CAMTA1: variants seen among roughly 807,000 people sequenced by gnomAD.
CAMTA1 encodes calmodulin-binding transcription activator 1.
A neutral mutation model predicts 170.9 loss-of-function variants in CAMTA1; 27 were observed. That is an observed-to-expected ratio of 0.16 (90% CI 0.12 to 0.22). The LOEUF is 0.22. Ranked by LOEUF, CAMTA1 falls within the 10% of genes least tolerant of loss-of-function variation. CAMTA1 has a pLI of 1.00. For missense variants in CAMTA1, 1,619 were observed against 2,217.2 expected (o/e 0.73, Z 5.42); for synonymous variants, 833 against 891.5 (o/e 0.93, Z 1.17).
intron 3 of CAMTA1, among the ~76,000 whole-genome samples, chr1:6,999,181 A>T: frequency 6.6e-6 from 1 of 152,152 alleles, no homozygotes; most frequent in East Asian, 1.9e-4. Context: ...CTTATTTTGA[A>T]TTCTTGTTCT....
chr1:7,493,110 A>C (rs1174891702), intron 6 of CAMTA1, among the ~76,000 whole-genome samples: 1 of 129,100 alleles, frequency 7.7e-6, no homozygotes, highest in African/African-American at 3.2e-5. Flanking sequence ...AAACCTACAT[A>C]CACACACGCG....
intron 3 of CAMTA1, among the ~76,000 whole-genome samples, chr1:6,833,481 G>T (rs1471589202): frequency 1.3e-5 from 2 of 152,192 alleles, no homozygotes; most frequent in African/African-American, 4.8e-5. Context: ...TGCAATAGAT[G>T]ATGTTTTGCC....
At chr1:7,250,089 T>C (rs951841050) in intron 5 of CAMTA1, among the ~76,000 whole-genome samples, 2 of 152,058 alleles carry the variant, frequency 1.3e-5, no homozygotes, top group African/African-American at 4.8e-5. Context: ...TCAGCCTTAA[T>C]AGAGGTTTGA....
intron 6 of CAMTA1, among the ~76,000 whole-genome samples, chr1:7,502,597 G>T (rs1182691410): frequency 2.0e-5 from 3 of 152,176 alleles, no homozygotes; most frequent in Admixed American, 6.5e-5. Flanking sequence ...TTCCCAAGAA[G>T]GAGCAGGATT....
intron 6 of CAMTA1, among the ~76,000 whole-genome samples, chr1:7,505,467 C>T (rs1012145630): frequency 6.6e-6 from 1 of 152,192 alleles, no homozygotes; most frequent in Non-Finnish European, 1.5e-5. Flanking sequence ...ACCCTCTCCA[C>T]GGCCCCAGAG....
At chr1:6,963,782 G>A (rs577883458) in intron 3 of CAMTA1, among the ~76,000 whole-genome samples, 1 of 152,278 alleles carries the variant, frequency 6.6e-6, no homozygotes, top group South Asian at 2.1e-4. Flanking sequence ...CGGACTGGAG[G>A]TGGCGACCGT....
At chr1:7,271,162 A>T (rs1218510879) in intron 5 of CAMTA1, among the ~76,000 whole-genome samples, 1 of 152,122 alleles carries the variant, frequency 6.6e-6, no homozygotes. Context: ...TGTACCCTTG[A>T]TCCAATATGA....
intron 3 of CAMTA1, among the ~76,000 whole-genome samples, chr1:6,885,087 TG>T (rs1672834442): frequency 1.3e-5 from 2 of 152,240 alleles, no homozygotes; most frequent in African/African-American, 4.8e-5. Flanking sequence ...AGAACATTAA[TG>T]GCTTTCTTGT....
At chr1:7,650,823 G>A (rs1005613773) in intron 7 of CAMTA1, among the ~76,000 whole-genome samples, 1 of 152,238 alleles carries the variant, frequency 6.6e-6, no homozygotes, top group African/African-American at 2.4e-5. Flanking sequence ...GATATGAGAA[G>A]TTAAATCTAA....
chr1:7,299,335 C>T lies in CAMTA1; in HGVS notation c.438+49709C>T, dbSNP rs1482986478. Among the ~76,000 whole-genome samples, 2 of 152,232 alleles carry T rather than the reference C, an allele frequency of 1.3e-5. No individual in the cohort carries two copies. The highest frequency in any genetic ancestry group is 1.9e-4 in the East Asian group (1 of 5,202). On this transcript the variant is annotated intron_variant, in intron 5 of 22. Coordinates refer to ENST00000303635, the MANE Select transcript of CAMTA1 (RefSeq NM_015215.4). The surrounding 1 kb of genome is among the most constrained non-coding windows in gnomAD (Gnocchi z 4.7). ...CATCTGAGCCTCTGAGCAAGAGCTTCGCCTTTGACTCTGAAGCCAGTGCTG... is the reference window on the plus strand; with the variant it reads ...CATCTGAGCCTCTGAGCAAGAGCTTTGCCTTTGACTCTGAAGCCAGTGCTG...
At chr1:7,076,711 G>C (rs1049909597) in intron 3 of CAMTA1, among the ~76,000 whole-genome samples, 2 of 152,142 alleles carry the variant, frequency 1.3e-5, no homozygotes, top group African/African-American at 4.8e-5. Flanking sequence ...TTGGAGCCCA[G>C]TCCCATTCTG....
chr1:7,618,531 T>C (rs1335448413), intron 6 of CAMTA1, among the ~76,000 whole-genome samples: 1 of 152,230 alleles, frequency 6.6e-6, no homozygotes, highest in Admixed American at 6.5e-5. Context: ...TCTCCCTCGT[T>C]TTCAAGGCTT....
chr1:7,662,193 C>T (rs116507341), intron 8 of CAMTA1, among the ~76,000 whole-genome samples: 1,988 of 152,326 alleles, frequency 0.013, 38 homozygotes, highest in African/African-American at 0.045. Context: ...TTCAGGCCCA[C>T]ACTCTTGGGC....
At chr1:7,489,195 C>T (rs377031764) in intron 6 of CAMTA1, among the ~76,000 whole-genome samples, 2 of 152,256 alleles carry the variant, frequency 1.3e-5, no homozygotes, top group East Asian at 3.8e-4. Context: ...GGCCATGATG[C>T]CTGCCGCCCC....
intron 16 of CAMTA1, among the ~76,000 whole-genome samples, chr1:7,743,268 A>T (rs2096831459): frequency 6.6e-6 from 1 of 152,172 alleles, no homozygotes; most frequent in Admixed American, 6.5e-5. Flanking sequence ...TTATTGAGGT[A>T]TAATTTACGT....
chr1:6,834,340 A>G (rs561710283), intron 3 of CAMTA1: 15 of 199,712 alleles, frequency 7.5e-5, no homozygotes, highest in African/African-American at 3.3e-4. Flanking sequence ...AAGCTGATCA[A>G]AGTGCTCCAA....
At chr1:6,921,945 A>G (rs1682113435) in intron 3 of CAMTA1, among the ~76,000 whole-genome samples, 1 of 152,206 alleles carries the variant, frequency 6.6e-6, no homozygotes, top group African/African-American at 2.4e-5. Flanking sequence ...CTGACCCAGG[A>G]TGGCCAACTT....
At chr1:6,979,105 C>T (rs549602237) in intron 3 of CAMTA1, among the ~76,000 whole-genome samples, 11 of 152,130 alleles carry the variant, frequency 7.2e-5, no homozygotes, top group South Asian at 4.2e-4. Flanking sequence ...GGAGGGAGTG[C>T]GGAGGACAGC....
At chr1:6,906,121 C>T (rs964806734) in intron 3 of CAMTA1, among the ~76,000 whole-genome samples, 24 of 152,250 alleles carry the variant, frequency 1.6e-4, no homozygotes, top group African/African-American at 5.8e-4. Context: ...GCTGTTTTAT[C>T]TGGAAGCTTT....
Sources: gnomAD v4.1 joint callset for allele counts (sites outside exome capture counted in the v4.1 genomes callset) on GRCh38, gnomAD v4.1.1 for gene constraint, Gnocchi (gnomAD v3.1) non-coding constraint, MANE v1.5 for transcripts, NCBI Gene and HGNC (gene_info 2026-07-23, HGNC 2026-07-21) for gene names.